Variants in RYR2 observed in about 807,000 individuals in gnomAD.
The protein encoded by RYR2 is ryanodine receptor 2, also known as cardiac muscle ryanodine receptor-calcium release channel.
RYR2 carries 227 observed loss-of-function variants against 601.1 expected under a neutral mutation model. That is an observed-to-expected ratio of 0.38 (90% confidence interval 0.34 to 0.42). The LOEUF (loss-of-function observed/expected upper bound fraction) is 0.42, where lower values mean the gene tolerates loss of function less well. Ranked by LOEUF, RYR2 falls within the 10% of genes least tolerant of loss-of-function variation. RYR2 has a pLI of 1.00. For synonymous variants in RYR2, 2,223 were observed against 2,175.1 expected, an observed-to-expected ratio of 1.02 and a Z score of -0.61; for missense variants, 4,646 against 6,156.5, an observed-to-expected ratio of 0.75 and a Z score of 8.21.
At position 237,595,408 on chromosome 1, in the gene RYR2, C is replaced by A. The variant is rs930997050; in HGVS notation, c.4437-90C>A. 3.4e-6 allele frequency: 5 copies of A among 1,456,018 alleles called. No individual in the cohort carries two copies. In the East Asian group the frequency reaches 7.2e-5, roughly 21 times the overall value. 90.2% of individuals were successfully genotyped at this position (1,456,018 alleles called of 1,614,324 possible). A position where few individuals can be genotyped will look rare whatever the true frequency, so the allele number is the denominator to read the frequency against. On this transcript the variant is annotated intron_variant, in intron 33 of 104. Transcript: ENST00000366574. ...CATTACAGCATGAGCTTGTTGCTTGCGCAGCATAATTTAGTTAGTTTGCAA... is the reference window on the plus strand; with the variant it reads ...CATTACAGCATGAGCTTGTTGCTTGAGCAGCATAATTTAGTTAGTTTGCAA...
At chr1:237,447,858 C>T (rs1026992024) in intron 14 of RYR2, among the ~76,000 whole-genome samples, 1 of 147,998 alleles carries the variant, frequency 6.8e-6, no homozygotes, top group Non-Finnish European at 1.5e-5. Context: ...CCCTCCCTCC[C>T]TCTTTTCTTT....
intron 1 of RYR2, among the ~76,000 whole-genome samples, chr1:237,168,393 G>T (rs1031047920): frequency 6.6e-6 from 1 of 151,944 alleles, no homozygotes; most frequent in Non-Finnish European, 1.5e-5. Flanking sequence ...TTTTGCTTTG[G>T]GTCATTTATT....
chr1:237,643,268 A>G, intron 47 of RYR2, 59 bp from the exon 48 acceptor site: 1 of 1,589,998 alleles, frequency 6.3e-7, no homozygotes. Flanking sequence ...GATTTCCTAG[A>G]CAGAATTGTA....
At position 237,137,209 on chromosome 1, in the gene RYR2, A is replaced by G. The variant is rs566354395; in HGVS notation, c.48+94640A>G. 2.3e-3 allele frequency among the ~76,000 whole-genome samples: 357 copies of G among 152,178 alleles called. 4 individuals are homozygous for G. Among genetic ancestry groups the G allele is most frequent in the Non-Finnish European group, 3.8e-3 (260 of 68,010 alleles). ...GTGACCATGAATTTCAGTCCCCTTA[A>G]GGAACAATTATTTCTTTGCTGGTGG... On this transcript the variant is annotated intron_variant, in intron 1 of 104. Coordinates refer to ENST00000366574, the MANE Select transcript of RYR2 (RefSeq NM_001035.3).
intron 1 of RYR2, among the ~76,000 whole-genome samples, chr1:237,105,834 C>CAAAAAAAAAAAAAAAAA (rs34759459): frequency 1.1e-5 from 1 of 87,034 alleles, no homozygotes. Flanking sequence ...GACTCTGTCT[C>CAAAAAAAAAAAAAAAAA]AAAAAAAAAA....
At chr1:237,055,851 T>G (rs1408720779) in intron 1 of RYR2, among the ~76,000 whole-genome samples, 1 of 152,126 alleles carries the variant, frequency 6.6e-6, no homozygotes, top group Non-Finnish European at 1.5e-5. Context: ...ACTAGTGCCC[T>G]CCTAACAAGA....
At chr1:237,341,943 T>C (rs190774104) in intron 3 of RYR2, among the ~76,000 whole-genome samples, 48 of 152,304 alleles carry the variant, frequency 3.2e-4, no homozygotes, top group African/African-American at 1.2e-3. Flanking sequence ...TAATCACTAT[T>C]AGTTCCCCCT....
rs1038747177 is a variant in RYR2, at chr1:237,789,463, CTA to C, written c.13476+1329_13476+1330del. 4.4e-4 allele frequency among the ~76,000 whole-genome samples: 11 copies of C among 24,968 alleles called. No individual in the cohort carries two copies. In the East Asian group the frequency reaches 0.22, roughly 499 times the overall value. 16.4% of individuals were successfully genotyped at this position (24,968 alleles called of 152,430 possible). On this transcript the variant is annotated intron_variant, in intron 92 of 104. Coordinates refer to ENST00000366574, the MANE Select transcript of RYR2 (RefSeq NM_001035.3). ...CTGAACAGAAATGTTTCCTAGATAA[CTA>C]ACTCTGAATAATTCCTAATTTGGTA...
chr1:237,810,999 A>G (rs1286968807), intron 100 of RYR2, among the ~76,000 whole-genome samples: 1 of 152,200 alleles, frequency 6.6e-6, no homozygotes, highest in Non-Finnish European at 1.5e-5. Flanking sequence ...GGGTAGGACC[A>G]TAGATCACAG....
At chr1:237,414,315 A>G (rs137872796) in intron 10 of RYR2, among the ~76,000 whole-genome samples, 11 of 152,340 alleles carry the variant, frequency 7.2e-5, no homozygotes, top group African/African-American at 2.6e-4. Context: ...ACCAAGGTTA[A>G]GTATGTTGCC....
chr1:237,056,453 A>G (rs1015074433), intron 1 of RYR2, among the ~76,000 whole-genome samples: 3 of 143,300 alleles, frequency 2.1e-5, no homozygotes, highest in Non-Finnish European at 4.5e-5. Flanking sequence ...AACTGTGAGG[A>G]CTGGAGCACT....
At position 237,680,520 on chromosome 1, in the gene RYR2, G is replaced by A. The variant is rs1374659491; in HGVS notation, c.8960G>A (p.Ser2987Asn). 1.9e-6 allele frequency: 3 copies of A among 1,606,490 alleles called. No homozygotes were observed. Among genetic ancestry groups the A allele is most frequent in the Admixed American group, 1.7e-5 (1 of 59,428 alleles). ...NHRLYFLSAA[S>N]RPLCSGGHAS... is the part of the protein sequence containing the mutation. ...CGTTTATACTTCTTATCTGCAGCAA[G>A]CAGACCTCTCTGCTCTGGAGGACAT... Residue 2987 changes from serine to asparagine, a missense_variant, in exon 62 of 105, where the codon AGC becomes AAC. By Grantham distance (46) the Ser-to-Asn change is conservative (BLOSUM62 1). This residue lies in a region of RYR2 where 1,497 missense variants were observed against 1,842.6 expected (regional missense o/e 0.81). Coordinates refer to ENST00000366574, the MANE Select transcript of RYR2 (RefSeq NM_001035.3).
intron 74 of RYR2, among the ~76,000 whole-genome samples, chr1:237,723,577 G>T (rs370281601): frequency 4.6e-5 from 7 of 152,142 alleles, no homozygotes; most frequent in African/African-American, 1.7e-4. Flanking sequence ...AGTTACATCT[G>T]ATTTCAAATA....
rs766080208 is a variant in RYR2 at position 237,595,663 on chromosome 1, C to G, written c.4596+6C>G. The G allele has an allele frequency of 6.2e-7, 1 of 1,605,804 alleles. No individual in the cohort carries two copies. Among genetic ancestry groups the G allele is most frequent in the Admixed American group, 1.7e-5 (1 of 57,946 alleles). The stretch of plus-strand genomic sequence containing the variant: ...AACTGAGCACATACTATCAGGTACG[C>G]GGTCAGTGATGATATCAGTCTTCTA... On this transcript the variant is annotated splice_donor_region_variant and intron_variant, in intron 34 of 104. Coordinates refer to ENST00000366574, the MANE Select transcript of RYR2 (RefSeq NM_001035.3).
intron 1 of RYR2, among the ~76,000 whole-genome samples, chr1:237,197,801 TTAGCAGTCCTGCTCCA>T (rs1304867973): frequency 6.6e-6 from 1 of 152,224 alleles, no homozygotes; most frequent in African/African-American, 2.4e-5. Context: ...TGGTAGAGTC[TTAGCAGTCCTGCTCCA>T]TAGCTGGAGT....
At chr1:237,367,934 A>C (rs1700334814) in intron 5 of RYR2, among the ~76,000 whole-genome samples, 1 of 152,206 alleles carries the variant, frequency 6.6e-6, no homozygotes, top group Non-Finnish European at 1.5e-5. Context: ...TGAAATGATA[A>C]TCAGGACAGC....
intron 2 of RYR2, among the ~76,000 whole-genome samples, chr1:237,321,171 G>T (rs1425721496): frequency 6.6e-6 from 1 of 151,986 alleles, no homozygotes; most frequent in Non-Finnish European, 1.5e-5. Flanking sequence ...CTAAAGTGGG[G>T]ATAATAATAC....
chr1:237,694,880 A>G (rs896225089), intron 63 of RYR2, among the ~76,000 whole-genome samples: 1 of 152,208 alleles, frequency 6.6e-6, no homozygotes, highest in African/African-American at 2.4e-5. Context: ...TTGTGAGAGA[A>G]ATTTGTAAGT....
intron 1 of RYR2, among the ~76,000 whole-genome samples, chr1:237,043,686 G>C (rs1660209056): frequency 6.6e-6 from 1 of 152,090 alleles, no homozygotes; most frequent in Non-Finnish European, 1.5e-5. Context: ...GGATTCCCCA[G>C]ACTTCCCCAA....
Sources: allele counts gnomAD v4.1 joint callset (sites outside exome capture counted in the v4.1 genomes callset), GRCh38; gene constraint gnomAD v4.1.1; regional missense constraint gnomAD v4.1.1; transcripts MANE v1.5; gene names NCBI Gene and HGNC (gene_info 2026-07-23, HGNC 2026-07-21).